The following FAM185A variants were observed in gnomAD, a reference collection of about 807,000 sequenced individuals.
FAM185A encodes family with sequence similarity 185 member A, also known as protein FAM185A.
A neutral mutation model predicts 45.7 loss-of-function variants in FAM185A; 21 were observed. That is an observed-to-expected ratio of 0.46 (90% CI 0.33 to 0.66). FAM185A has a LOEUF of 0.66. Ranked by LOEUF, FAM185A falls within the 30% of genes least tolerant of loss-of-function variation. The pLI, the probability that FAM185A is intolerant of heterozygous loss-of-function variation, is 0.03. For missense variants in FAM185A, 305 were observed against 485.4 expected (o/e 0.63, Z 3.49); for synonymous variants, 117 against 194.0 (o/e 0.60, Z 3.30).
chr7:102,810,063 C>G (rs1436135845), downstream of FAM185A, among the ~76,000 whole-genome samples: 3 of 152,172 alleles, frequency 2.0e-5, no homozygotes, highest in Admixed American at 2.0e-4. Context: ...AGAAGCCAAG[C>G]AGAGAGGCCC....
intron 1 of FAM185A, 44 bp downstream of exon 1, chr7:102,749,702 C>T (rs1277374917): frequency 6.7e-7 from 1 of 1,489,040 alleles, no homozygotes; most frequent in South Asian, 1.4e-5. Context: ...CCAGGGAACG[C>T]ACAGTGAACT....
chr7:102,797,136 T>C (rs1584354942), intron 7 of FAM185A, among the ~76,000 whole-genome samples: 2 of 152,344 alleles, frequency 1.3e-5, no homozygotes, highest in Middle Eastern at 3.4e-3. Flanking sequence ...TATCTTGGGT[T>C]ACACTTTTGT....
At chr7:102,838,349 ATAGT>A in the FAM185A span, among the ~76,000 whole-genome samples, 2 of 152,282 alleles carry the variant, frequency 1.3e-5, no homozygotes, top group Non-Finnish European at 2.9e-5. Context: ...TACCTTGCAC[ATAGT>A]TAGCAGTCAG....
chr7:102,822,157 A>G, the FAM185A span: 1 of 1,614,158 alleles, frequency 6.2e-7, no homozygotes, highest in Non-Finnish European at 8.5e-7. Context: ...CAAAATGTGC[A>G]GGTAATGGCA....
intron 4 of FAM185A, among the ~76,000 whole-genome samples, chr7:102,771,240 A>G (rs1249799934): frequency 6.6e-6 from 1 of 152,040 alleles, no homozygotes; most frequent in African/African-American, 2.4e-5. Context: ...CAAGGGTTGA[A>G]AAACTATTGG....
intron 6 of FAM185A, among the ~76,000 whole-genome samples, chr7:102,785,332 T>A (rs1795716174): frequency 6.7e-6 from 1 of 150,072 alleles, no homozygotes; most frequent in Admixed American, 6.6e-5. Context: ...AAAACTACTT[T>A]AAAGTTCATA....
rs1793208885 is a variant in FAM185A at position 102,749,502 on chromosome 7, G to A, written c.295G>A (p.Asp99Asn). Residue 99 changes from aspartate (D) to asparagine (N), a missense_variant, in exon 1 of 8, where the codon GAC becomes AAC. Around this residue, in one of 5 missense-constraint regions of FAM185A, gnomAD observed 174 missense variants for 247.1 expected, o/e 0.70. Coordinates refer to ENST00000413034, the MANE Select transcript of FAM185A (RefSeq NM_001145268.2). ...GGACCCCCTCACCTACCCGGATGGC[G>A]ACCGCGTGCTGGTCGCGGTGTGCGG... is the stretch of plus-strand genomic sequence containing the variant. The part of the protein sequence containing the change: ...PLDPLTYPDG[D>N]RVLVAVCGVE... 2.0e-6 allele frequency: 3 copies of A among 1,527,962 alleles called. No homozygotes were observed. Among genetic ancestry groups the A allele is most frequent in the South Asian group, 1.2e-5 (1 of 80,080 alleles). 94.7% of individuals were successfully genotyped at this position (1,527,962 alleles called of 1,614,324 possible).
At chr7:102,825,404 G>C in the FAM185A span, among the ~76,000 whole-genome samples, 1 of 152,176 alleles carries the variant, frequency 6.6e-6, no homozygotes, top group Non-Finnish European at 1.5e-5. Context: ...GCGATTCCCT[G>C]CGTTGCCTTG....
At chr7:102,772,497 T>G (rs1794814577) in intron 5 of FAM185A, 47 bp downstream of exon 5, 1 of 1,313,302 alleles carries the variant, frequency 7.6e-7, no homozygotes, top group African/African-American at 1.6e-5. Flanking sequence ...CTTTTAAAAA[T>G]GGGTATATTT....
chr7:102,784,295 A>G lies in FAM185A; in HGVS notation c.932-3040A>G, dbSNP rs563111887. ...TACCATTCCTTCTGAAACTATTCCA[A>G]TCAATAGAAAAAGAGGGAATCCTTC... On this transcript the variant is annotated intron_variant, in intron 6 of 7. Transcript: ENST00000413034. Among the ~76,000 whole-genome samples, 11 of 151,884 alleles carry G rather than the reference A, an allele frequency of 7.2e-5. No homozygotes were observed. The South Asian group carries it at 1.5e-3, about 20-fold the overall frequency.
the FAM185A span, among the ~76,000 whole-genome samples, chr7:102,843,558 TGAG>T: frequency 0.13 from 19,476 of 152,042 alleles, 1,398 homozygotes; most frequent in East Asian, 0.29. Flanking sequence ...GTGGATCACT[TGAG>T]GTCAGGAGTT....
the FAM185A span, among the ~76,000 whole-genome samples, chr7:102,834,219 CTCAA>C: frequency 6.6e-6 from 1 of 150,862 alleles, no homozygotes; most frequent in African/African-American, 2.4e-5. Context: ...TCTACATGTG[CTCAA>C]TCATTCTAAG....
At chr7:102,844,069 G>C in the FAM185A span, among the ~76,000 whole-genome samples, 13 of 152,220 alleles carry the variant, frequency 8.5e-5, 1 homozygote, top group African/African-American at 3.1e-4. Flanking sequence ...AAACACAAGA[G>C]AGCAGATGAG....
At chr7:102,832,699 G>T in the FAM185A span, 1 of 1,012,812 alleles carries the variant, frequency 9.9e-7, no homozygotes, top group South Asian at 3.2e-5. Flanking sequence ...TTTCCAATTT[G>T]AGGATAGAAG....
At chr7:102,845,420 A>G in the FAM185A span, among the ~76,000 whole-genome samples, 792 of 152,306 alleles carry the variant, frequency 5.2e-3, 6 homozygotes, top group African/African-American at 0.018. Flanking sequence ...ATAAAGACCA[A>G]GATATATATA....
chr7:102,835,123 C>T, the FAM185A span, among the ~76,000 whole-genome samples: 1 of 152,090 alleles, frequency 6.6e-6, no homozygotes, highest in African/African-American at 2.4e-5. Flanking sequence ...TTTTCCTGAC[C>T]ACAACAGCCA....
intron 7 of FAM185A, among the ~76,000 whole-genome samples, chr7:102,800,663 T>A (rs998912516): frequency 1.3e-5 from 2 of 152,094 alleles, no homozygotes; most frequent in Non-Finnish European, 2.9e-5. Context: ...GAAGACAAGG[T>A]CTTTGAATTA....
chr7:102,836,833 C>A, the FAM185A span, among the ~76,000 whole-genome samples: 1 of 152,314 alleles, frequency 6.6e-6, no homozygotes, highest in East Asian at 1.9e-4. Flanking sequence ...CTGAATTAAA[C>A]CACTTTGACA....
At chr7:102,837,564 TTC>T in the FAM185A span, among the ~76,000 whole-genome samples, 1 of 152,210 alleles carries the variant, frequency 6.6e-6, no homozygotes, top group Non-Finnish European at 1.5e-5. Flanking sequence ...TTATAAGCTT[TTC>T]TTTCTTTTTG....
Sources: gnomAD v4.1 joint callset for allele counts (sites outside exome capture counted in the v4.1 genomes callset) on GRCh38, gnomAD v4.1.1 for gene constraint, gnomAD v4.1.1 regional missense constraint, MANE v1.5 for transcripts, NCBI Gene and HGNC (gene_info 2026-07-23, HGNC 2026-07-21) for gene names.